The following STK24 variants were observed in gnomAD, a reference collection of about 807,000 sequenced individuals.
STK24 encodes serine/threonine-protein kinase 24.
Under a neutral mutation model 55.6 loss-of-function variants are expected in STK24, and 21 were observed. That is an observed-to-expected ratio of 0.38 (90% CI 0.27 to 0.54). The LOEUF (loss-of-function observed/expected upper bound fraction) is 0.54, where lower values mean the gene tolerates loss of function less well. Among genes scored for constraint, STK24 ranks in the 20% least tolerant of loss-of-function variants. STK24 has a pLI of 0.79. For missense variants in STK24, 383 were observed against 538.4 expected, an observed-to-expected ratio of 0.71 and a Z score of 2.86; for synonymous variants, 200 against 215.2, an observed-to-expected ratio of 0.93 and a Z score of 0.62.
Position 98,446,830 on chromosome 13 carries a change from T to C in STK24, c.*6343A>G, listed in dbSNP as rs780761522. ...ACACGTTCGAAAGGTAGACACCCCC[T>C]TCCCACGCACAGGGCCCTGCAGAAG... On this transcript the variant is annotated 3_prime_UTR_variant, in exon 11 of 11. Transcript: ENST00000539966. 23 of 1,613,548 alleles carry C rather than the reference T, an allele frequency of 1.4e-5. No individual in the cohort carries two copies. Among genetic ancestry groups the C allele is most frequent in the Non-Finnish European group, 1.9e-5 (22 of 1,179,708 alleles).
At chr13:98,568,826 G>A (rs557318708) in intron 1 of STK24, among the ~76,000 whole-genome samples, 95 of 152,212 alleles carry the variant, frequency 6.2e-4, no homozygotes, top group African/African-American at 2.1e-3. Flanking sequence ...TGAAGATCAC[G>A]CCATTGCACT....
rs574918808 is a variant in STK24 at position 98,562,362 on chromosome 13, G to A, written c.42+14383C>T. On this transcript the variant is annotated intron_variant, in intron 1 of 10. Coordinates refer to ENST00000539966, the MANE Select transcript of STK24 (RefSeq NM_001032296.4). ...CTTTTATAGACCATGTACGCATAAC[G>A]GGGCCAGGGTAGGAAACGGGACTCG... Among the ~76,000 whole-genome samples, 16 of 152,216 alleles carry A rather than the reference G, an allele frequency of 1.1e-4. No individual in the cohort carries two copies. In the South Asian group the frequency reaches 1.9e-3, roughly 18 times the overall value.
chr13:98,561,144 AAC>A (rs1369471370), intron 1 of STK24, among the ~76,000 whole-genome samples: 1 of 152,224 alleles, frequency 6.6e-6, no homozygotes, highest in South Asian at 2.1e-4. Context: ...GTGTAAGTGT[AAC>A]ACCACCGTGT....
At position 98,448,575 on chromosome 13, in the gene STK24, CGA is replaced by C. The variant is rs200314942; in HGVS notation, c.*4596_*4597del. On this transcript the variant is annotated 3_prime_UTR_variant, in exon 11 of 11. Coordinates refer to ENST00000539966, the MANE Select transcript of STK24 (RefSeq NM_001032296.4). ...TGCCAGTATTAAAACATTGTCATTA[CGA>C]GAGTGCCAAATGACATCTTCCCTCC... is the stretch of plus-strand genomic sequence containing the variant. The C allele has an allele frequency of 6.3e-3, 2,849 of 449,888 alleles. 78 individuals carry two copies. The highest frequency in any genetic ancestry group is 0.051 in the African/African-American group (2,538 of 49,978). 27.9% of individuals were successfully genotyped at this position (449,888 alleles called of 1,614,324 possible).
At chr13:98,496,323 A>G (rs931884685) in intron 2 of STK24, among the ~76,000 whole-genome samples, 16 of 152,230 alleles carry the variant, frequency 1.1e-4, no homozygotes, top group Admixed American at 2.6e-4. Flanking sequence ...TGAAGTCACA[A>G]GGATAAAGAT....
At position 98,469,026 on chromosome 13, in the gene STK24, G is replaced by A. The variant is rs1228381745; in HGVS notation, c.598-2465C>T. ...AGAAGCCGATCTCTGCTGAGAGTAC[G>A]TCGGTGATGCGCTTGCCTTGATTTT... On this transcript the variant is annotated intron_variant, in intron 5 of 10. Coordinates refer to ENST00000539966, the MANE Select transcript of STK24 (RefSeq NM_001032296.4). Among the ~76,000 whole-genome samples the A allele has an allele frequency of 4.7e-4, 71 of 152,242 alleles. 4 individuals carry two copies. The highest frequency in any genetic ancestry group is 4.3e-3 in the Admixed American group (66 of 15,282).
intron 1 of STK24, among the ~76,000 whole-genome samples, chr13:98,561,977 C>CAAAA (rs10564690): frequency 3.5e-4 from 19 of 53,594 alleles, no homozygotes; most frequent in Admixed American, 1.1e-3. Context: ...GACTCCGTCT[C>CAAAA]AAAAAAAAAA....
intron 3 of STK24, among the ~76,000 whole-genome samples, chr13:98,477,163 T>TA (rs1894409569): frequency 6.6e-6 from 1 of 152,340 alleles, no homozygotes; most frequent in East Asian, 1.9e-4. Flanking sequence ...ACTACTATTC[T>TA]AAAGAACACA....
At chr13:98,532,742 A>G (rs1356830240) in intron 1 of STK24, among the ~76,000 whole-genome samples, 1 of 152,242 alleles carries the variant, frequency 6.6e-6, no homozygotes, top group East Asian at 1.9e-4. Context: ...ACTGATAACA[A>G]ATCATTTTTA....
intron 2 of STK24, among the ~76,000 whole-genome samples, chr13:98,496,161 C>T (rs1473537377): frequency 6.6e-6 from 1 of 152,166 alleles, no homozygotes; most frequent in African/African-American, 2.4e-5. Flanking sequence ...AGCAGATGAG[C>T]AGACACTGAT....
intron 2 of STK24, among the ~76,000 whole-genome samples, chr13:98,516,102 G>C (rs1434349219): frequency 6.6e-6 from 1 of 152,198 alleles, no homozygotes; most frequent in African/African-American, 2.4e-5. Flanking sequence ...CTGGGCCAAA[G>C]AATTTCATGA....
At chr13:98,556,537 A>C (rs74760860) in intron 1 of STK24, among the ~76,000 whole-genome samples, 14 of 152,132 alleles carry the variant, frequency 9.2e-5, no homozygotes, top group East Asian at 3.9e-4. Flanking sequence ...ACAACAACAA[A>C]AAAATCACTG....
chr13:98,480,645 A>T (rs1328468632), intron 3 of STK24, among the ~76,000 whole-genome samples: 2 of 152,208 alleles, frequency 1.3e-5, no homozygotes, highest in Admixed American at 1.3e-4. Context: ...TGATTATGTA[A>T]ATTGGGTACG....
chr13:98,526,948 G>C (rs1229998568), intron 1 of STK24, among the ~76,000 whole-genome samples: 1 of 152,186 alleles, frequency 6.6e-6, no homozygotes, highest in Non-Finnish European at 1.5e-5. Context: ...TGCTGATACC[G>C]ACCCCATGTG....
In STK24 at chr13:98,446,053, G is replaced by C. The variant is rs755151631; in HGVS notation, c.*7120C>G. The C allele has an allele frequency of 1.4e-5, 19 of 1,337,574 alleles. No homozygotes were observed. The African/African-American group carries it at 2.7e-4, about 19-fold the overall frequency. 82.9% of individuals were successfully genotyped at this position (1,337,574 alleles called of 1,614,324 possible). A position where few individuals can be genotyped will look rare whatever the true frequency, so the allele number is the denominator to read the frequency against. On this transcript the variant is annotated 3_prime_UTR_variant, in exon 11 of 11. Transcript: ENST00000539966. The stretch of plus-strand genomic sequence containing the variant: ...GAGAGCTGCTCTCTGTGCCCTCCTG[G>C]GGCAGGTGCCCGCTGTGCTTCTCAC...
At chr13:98,511,772 G>A (rs1261348824) in intron 2 of STK24, among the ~76,000 whole-genome samples, 1 of 150,812 alleles carries the variant, frequency 6.6e-6, no homozygotes, top group Non-Finnish European at 1.5e-5. Context: ...ACTGCCATGG[G>A]CGGGGGATGG....
At chr13:98,513,547 AC>A (rs1895956270) in intron 2 of STK24, among the ~76,000 whole-genome samples, 1 of 152,182 alleles carries the variant, frequency 6.6e-6, no homozygotes, top group South Asian at 2.1e-4. Context: ...ACAGAGAGGT[AC>A]ACAGTGCCAG....
intron 3 of STK24, among the ~76,000 whole-genome samples, chr13:98,477,187 T>C (rs1594591692): frequency 1.3e-5 from 2 of 152,258 alleles, no homozygotes; most frequent in Admixed American, 6.5e-5. Flanking sequence ...AGGAAAACTA[T>C]GCCTTAAGTC....
intron 1 of STK24, among the ~76,000 whole-genome samples, chr13:98,525,527 A>G (rs1262751281): frequency 2.0e-5 from 3 of 152,230 alleles, no homozygotes; most frequent in African/African-American, 4.8e-5. Flanking sequence ...GCCTGCACAC[A>G]GCACCCCCTC....
Sources: gnomAD v4.1 joint callset for allele counts (sites outside exome capture counted in the v4.1 genomes callset) on GRCh38, gnomAD v4.1.1 for gene constraint, MANE v1.5 for transcripts, NCBI Gene and HGNC (gene_info 2026-07-23, HGNC 2026-07-21) for gene names.